The following L3MBTL3 variants were observed in gnomAD, a reference collection of about 807,000 sequenced individuals.
The protein encoded by L3MBTL3 is lethal(3)malignant brain tumor-like protein 3.
In L3MBTL3, 27 loss-of-function variants were observed where a neutral mutation model predicts 102.3. The observed-to-expected ratio is 0.26, with a 90% CI of 0.19 to 0.36. The LOEUF is 0.36. L3MBTL3 is among the 10% of genes least tolerant of loss of function. The probability of loss-of-function intolerance (pLI) is 1.00; values close to 1 mark genes in which losing one functional copy is unlikely to be tolerated. For missense variants in L3MBTL3, 798 were observed against 955.3 expected, an observed-to-expected ratio of 0.84 and a Z score of 2.17; for synonymous variants, 340 against 320.9, an observed-to-expected ratio of 1.06 and a Z score of -0.64.
intron 15 of L3MBTL3, among the ~76,000 whole-genome samples, 195 bp from the exon 16 acceptor site, chr6:130,085,945 G>T (rs1273414466): frequency 6.6e-6 from 1 of 152,008 alleles, no homozygotes; most frequent in African/African-American, 2.4e-5. Context: ...TAGAGACAGG[G>T]TTCAGCCATG....
chr6:130,065,203 T>C (rs986601683), intron 10 of L3MBTL3, among the ~76,000 whole-genome samples: 2 of 152,202 alleles, frequency 1.3e-5, no homozygotes, highest in African/African-American at 4.8e-5. Context: ...ATTTTGCCCC[T>C]TCCTTTTCAC....
rs1028892691 is a variant in L3MBTL3 at position 130,065,798 on chromosome 6, G to A, written c.865-555G>A. Among the ~76,000 whole-genome samples, 10 of 152,278 alleles carry A rather than the reference G, an allele frequency of 6.6e-5. No homozygotes were observed. In the South Asian group the frequency reaches 1.5e-3, roughly 22 times the overall value. On this transcript the variant is annotated intron_variant, in intron 10 of 22. Coordinates refer to ENST00000361794, the MANE Select transcript of L3MBTL3 (RefSeq NM_032438.4). ...CCCTGTAGGCATATGTATGGCATGT[G>A]TTATACAGAGTACATTCTTACTAGC...
intron 22 of L3MBTL3, 83 bp from the exon 23 acceptor site, chr6:130,139,527 C>A: frequency 1.6e-6 from 2 of 1,283,122 alleles, no homozygotes; most frequent in Admixed American, 1.7e-5. Flanking sequence ...ATGTAGAAGA[C>A]AGCTGGTAAT....
At chr6:130,124,231 G>A (rs1034939455) in intron 20 of L3MBTL3, among the ~76,000 whole-genome samples, 1 of 152,150 alleles carries the variant, frequency 6.6e-6, no homozygotes, top group African/African-American at 2.4e-5. Context: ...GCTCCCTTTG[G>A]CTTTGGACAG....
At chr6:130,032,495 CTGAG>C (rs1779793011) in intron 2 of L3MBTL3, among the ~76,000 whole-genome samples, 1 of 151,950 alleles carries the variant, frequency 6.6e-6, no homozygotes, top group Non-Finnish European at 1.5e-5. Context: ...TTTAAGGTCA[CTGAG>C]TGACTTTCAT....
intron 10 of L3MBTL3, among the ~76,000 whole-genome samples, chr6:130,063,924 T>C (rs915701087): frequency 3.9e-5 from 6 of 152,212 alleles, no homozygotes; most frequent in African/African-American, 1.4e-4. Context: ...TGACTTCAGC[T>C]GGGAACATGC....
At chr6:130,101,622 G>A (rs925988080) in intron 18 of L3MBTL3, among the ~76,000 whole-genome samples, 2 of 152,230 alleles carry the variant, frequency 1.3e-5, no homozygotes, top group African/African-American at 4.8e-5. Flanking sequence ...CCTGGAAAGG[G>A]CAGGGGGACT....
Position 130,083,733 on chromosome 6 carries a change from G to A in L3MBTL3, c.1407+28G>A, listed in dbSNP as rs370698060. The A allele has an allele frequency of 2.3e-4, 261 of 1,113,424 alleles. 1 individual carries two copies. Among genetic ancestry groups the A allele is most frequent in the Admixed American group, 4.5e-4 (23 of 50,628 alleles). 69.0% of individuals were successfully genotyped at this position (1,113,424 alleles called of 1,614,324 possible). A position where few individuals can be genotyped will look rare whatever the true frequency, so the allele number is the denominator to read the frequency against. Reference sequence around the variant, plus strand: ...AAGATGATACATTTTATTAATTTGCGTGGATGAGATCATTTATTTATTGAA... The same window carrying A: ...AAGATGATACATTTTATTAATTTGCATGGATGAGATCATTTATTTATTGAA... On this transcript the variant is annotated intron_variant, in intron 15 of 22. Transcript: ENST00000361794.
intron 7 of L3MBTL3, 101 bp downstream of exon 7, chr6:130,053,092 G>A: frequency 1.1e-6 from 1 of 883,934 alleles, no homozygotes; most frequent in South Asian, 1.6e-5. Context: ...TTCAAATGTG[G>A]GTTCCAGGAC....
intron 2 of L3MBTL3, among the ~76,000 whole-genome samples, chr6:130,040,276 C>T (rs376943238): frequency 4.0e-5 from 6 of 151,220 alleles, no homozygotes; most frequent in African/African-American, 1.5e-4. Context: ...TTGCAGTGAG[C>T]CTAGATCATG....
rs1251701928 is a variant in L3MBTL3 at position 130,045,432 on chromosome 6, G to C, written c.102+2631G>C. 4.6e-5 allele frequency among the ~76,000 whole-genome samples: 7 copies of C among 152,134 alleles called. 1 individual carries two copies. Among genetic ancestry groups the C allele is most frequent in the Admixed American group, 4.6e-4 (7 of 15,248 alleles). ...AAGAATAGAGAACGTACTCTCTGCT[G>C]AACACTCTACCTGCATCTTTTTATT... On this transcript the variant is annotated intron_variant, in intron 3 of 22. Coordinates refer to ENST00000361794, the MANE Select transcript of L3MBTL3 (RefSeq NM_032438.4).
Position 130,042,817 on chromosome 6 carries a change from T to A in L3MBTL3, c.102+16T>A. 1 of 1,495,438 alleles carries A rather than the reference T, an allele frequency of 6.7e-7. No homozygotes were observed. The highest frequency in any genetic ancestry group is 9.3e-7 in the Non-Finnish European group (1 of 1,071,662). 92.6% of individuals were successfully genotyped at this position (1,495,438 alleles called of 1,614,324 possible). A position where few individuals can be genotyped will look rare whatever the true frequency, so the allele number is the denominator to read the frequency against. Reference sequence around the variant, plus strand: ...TGACTTAAAGGTAAACCCTCTTTATTACATACAATTATGTGTGTGTGCATC... The same window carrying A: ...TGACTTAAAGGTAAACCCTCTTTATAACATACAATTATGTGTGTGTGCATC... On this transcript the variant is annotated intron_variant, in intron 3 of 22. Transcript: ENST00000361794.
At chr6:130,092,122 A>G (rs1215595523) in intron 16 of L3MBTL3, among the ~76,000 whole-genome samples, 1 of 152,170 alleles carries the variant, frequency 6.6e-6, no homozygotes, top group Non-Finnish European at 1.5e-5. Flanking sequence ...TACTTCAGAA[A>G]TGTATACCCA....
In L3MBTL3 at chr6:130,120,939, A is replaced by G; in HGVS notation, c.1947A>G (p.Arg649=). ...AAGAGAGAACAGAAAGTGAAATGAGAACATCACATGAAGCCAGAGGTAGCC... is the reference window on the plus strand; with the variant it reads ...AAGAGAGAACAGAAAGTGAAATGAGGACATCACATGAAGCCAGAGGTAGCC... ...DFEERTESEM[R]TSHEARGARE... Residue 649 remains arginine, a synonymous_variant, in exon 20 of 23, where the codon AGA becomes AGG. Coordinates refer to ENST00000361794, the MANE Select transcript of L3MBTL3 (RefSeq NM_032438.4). The G allele has an allele frequency of 6.2e-7, 1 of 1,611,946 alleles. No homozygotes were observed. Among genetic ancestry groups the G allele is most frequent in the Non-Finnish European group, 8.5e-7 (1 of 1,178,366 alleles).
rs1784143144 is a variant in L3MBTL3, at chr6:130,092,856, T to C, written c.1630T>C (p.Leu544=). 1 of 1,564,516 alleles carries C rather than the reference T, an allele frequency of 6.4e-7. No individual in the cohort carries two copies. The highest frequency in any genetic ancestry group is 1.7e-5 in the Admixed American group (1 of 59,864). ...SKTGHPLQPP[L]SPLELMEASE... ...AACAGGACATCCCCTTCAGCCTCCT[T>C]TGAGTAAGAGACACGAATAGCTTGT... The change falls in exon 17 of 23, where the codon TTG becomes CTG. Residue 544 remains leucine, a synonymous_variant. Coordinates refer to ENST00000361794, the MANE Select transcript of L3MBTL3 (RefSeq NM_032438.4).
chr6:130,042,863 A>T lies in L3MBTL3; in HGVS notation c.102+62A>T, dbSNP rs1780510661. 13 of 1,077,310 alleles carry T rather than the reference A, an allele frequency of 1.2e-5. No homozygotes were observed. In the Admixed American group the frequency reaches 2.2e-4, roughly 19 times the overall value. The allele number at this position is 1,077,310 out of a possible 1,614,324, so 66.7% of individuals were successfully genotyped here. The stretch of plus-strand genomic sequence containing the variant: ...GCATCTGTGCGTATGCTTACTTAAA[A>T]TTGGATACATATGTGAAATAAAAAT... On this transcript the variant is annotated intron_variant, in intron 3 of 22. Coordinates refer to ENST00000361794, the MANE Select transcript of L3MBTL3 (RefSeq NM_032438.4).
At chr6:130,070,711 T>A (rs1782571810) in intron 12 of L3MBTL3, 1 of 287,706 alleles carries the variant, frequency 3.5e-6, no homozygotes, top group African/African-American at 2.2e-5. Context: ...AAATTAATTA[T>A]TTTAAATTCT....
intron 13 of L3MBTL3, among the ~76,000 whole-genome samples, chr6:130,072,065 C>T (rs2115014280): frequency 6.6e-6 from 1 of 152,028 alleles, no homozygotes; most frequent in South Asian, 2.1e-4. Flanking sequence ...TACACAGACC[C>T]AAGTACGGTT....
chr6:130,101,854 A>AT (rs1491133089), intron 18 of L3MBTL3, among the ~76,000 whole-genome samples: 1 of 152,230 alleles, frequency 6.6e-6, no homozygotes, highest in African/African-American at 2.4e-5. Flanking sequence ...CCCGTGAAAC[A>AT]TATAAAGAGA....
Sources: gnomAD v4.1 joint callset for allele counts (sites outside exome capture counted in the v4.1 genomes callset) on GRCh38, gnomAD v4.1.1 for gene constraint, MANE v1.5 for transcripts, NCBI Gene and HGNC (gene_info 2026-07-23, HGNC 2026-07-21) for gene names.